Variants in FGGY observed in about 807,000 individuals in gnomAD.
FGGY encodes the protein FGGY carbohydrate kinase domain-containing protein.
A neutral mutation model predicts 71.3 loss-of-function variants in FGGY; 72 were observed. The ratio of observed to expected loss-of-function variants is 1.01; its 90% CI spans 0.84 to 1.23. The LOEUF (loss-of-function observed/expected upper bound fraction) is 1.23. FGGY is among the 50% of genes most tolerant of loss of function. The probability of loss-of-function intolerance (pLI) is 0.00; values close to 1 mark genes in which losing one functional copy is unlikely to be tolerated. For synonymous variants in FGGY, 251 were observed against 250.3 expected, an observed-to-expected ratio of 1.00 and a Z score of -0.02; for missense variants, 668 against 682.3, an observed-to-expected ratio of 0.98 and a Z score of 0.23.
At chr1:59,703,181 C>T (rs955226020) in intron 14 of FGGY, among the ~76,000 whole-genome samples, 8 of 152,176 alleles carry the variant, frequency 5.3e-5, no homozygotes, top group African/African-American at 1.9e-4. Flanking sequence ...TCCTGCAGCC[C>T]TTCATTGTTG....
chr1:59,588,065 A>G (rs2153780112), intron 8 of FGGY, among the ~76,000 whole-genome samples: 2 of 152,320 alleles, frequency 1.3e-5, no homozygotes, highest in South Asian at 4.1e-4. Context: ...AGATGAATGT[A>G]TAACTAGAAT....
chr1:59,346,150 G>A, intron 3 of FGGY, 97 bp from the exon 4 acceptor site: 1 of 1,455,808 alleles, frequency 6.9e-7, no homozygotes, highest in Non-Finnish European at 9.4e-7. Flanking sequence ...ATTATAGAAA[G>A]TACATAGCAT....
In FGGY at chr1:59,363,195, C is replaced by A. The variant is rs188511844; in HGVS notation, c.466-15554C>A. The stretch of plus-strand genomic sequence containing the variant: ...AATCCTATGAGTTAAATGTTGCTAC[C>A]AATGAACAAAGTGAGACTCATAGAC... On this transcript the variant is annotated intron_variant, in intron 4 of 15. Transcript: ENST00000303721. Among the ~76,000 whole-genome samples the A allele has an allele frequency of 1.3e-3, 202 of 152,186 alleles. 1 individual carries two copies. Among genetic ancestry groups the A allele is most frequent in the African/African-American group, 4.7e-3 (195 of 41,512 alleles).
At chr1:59,529,304 G>T (rs550236020) in intron 7 of FGGY, among the ~76,000 whole-genome samples, 1 of 152,170 alleles carries the variant, frequency 6.6e-6, no homozygotes, top group Non-Finnish European at 1.5e-5. Flanking sequence ...GGACCTTCCT[G>T]ATAGAAATAT....
At chr1:59,364,726 A>G (rs965942131) in intron 4 of FGGY, among the ~76,000 whole-genome samples, 2 of 152,250 alleles carry the variant, frequency 1.3e-5, no homozygotes, top group African/African-American at 4.8e-5. Flanking sequence ...GCATAAGAGC[A>G]TCTGACTCAG....
chr1:59,570,265 A>G (rs1332643835), intron 8 of FGGY, among the ~76,000 whole-genome samples: 1 of 152,226 alleles, frequency 6.6e-6, no homozygotes, highest in Non-Finnish European at 1.5e-5. Context: ...AGTAGCAATT[A>G]TATCTTTACT....
chr1:59,617,352 C>G (rs1234488552), intron 9 of FGGY, among the ~76,000 whole-genome samples: 1 of 151,992 alleles, frequency 6.6e-6, no homozygotes, highest in Non-Finnish European at 1.5e-5. Context: ...CAATTAAATG[C>G]AGATCTTCCA....
intron 5 of FGGY, among the ~76,000 whole-genome samples, chr1:59,391,706 G>A (rs577697757): frequency 1.4e-4 from 21 of 152,268 alleles, no homozygotes; most frequent in Admixed American, 8.5e-4. Flanking sequence ...TGCTGTGTAC[G>A]TCTAGATGTG....
At chr1:59,374,735 G>A (rs893983663) in intron 4 of FGGY, among the ~76,000 whole-genome samples, 1 of 151,180 alleles carries the variant, frequency 6.6e-6, no homozygotes, top group Non-Finnish European at 1.5e-5. Context: ...TAAAAATGTT[G>A]AGTTCACATC....
intron 5 of FGGY, among the ~76,000 whole-genome samples, chr1:59,397,532 A>G (rs1344074833): frequency 6.6e-6 from 1 of 152,252 alleles, no homozygotes. Context: ...AATAGAGGGC[A>G]AGGCAGATAC....
At chr1:59,338,032 T>C (rs1015877784) in intron 2 of FGGY, among the ~76,000 whole-genome samples, 1 of 152,166 alleles carries the variant, frequency 6.6e-6, no homozygotes. Context: ...CTCTTCTATG[T>C]CTGGTTTATT....
At position 59,420,872 on chromosome 1, in the gene FGGY, G is replaced by A. The variant is rs376950684; in HGVS notation, c.555-36089G>A. Reference sequence around the variant, plus strand: ...GGCTCAAATTCACTCCCAAATGCCCGGCCACCAAGAAGCTTTGGACATAAG... The same window carrying A: ...GGCTCAAATTCACTCCCAAATGCCCAGCCACCAAGAAGCTTTGGACATAAG... On this transcript the variant is annotated intron_variant, in intron 5 of 15. Transcript: ENST00000303721. Among the ~76,000 whole-genome samples the A allele has an allele frequency of 3.3e-5, 5 of 150,732 alleles. No homozygotes were observed. In the East Asian group the frequency reaches 5.9e-4, roughly 18 times the overall value.
chr1:59,589,591 C>T (rs989319587), intron 8 of FGGY, among the ~76,000 whole-genome samples: 1 of 152,216 alleles, frequency 6.6e-6, no homozygotes, highest in African/African-American at 2.4e-5. Flanking sequence ...AACTGTCTCT[C>T]AGACCACAGT....
At chr1:59,719,727 A>G (rs1043631303) in intron 14 of FGGY, among the ~76,000 whole-genome samples, 1 of 152,204 alleles carries the variant, frequency 6.6e-6, no homozygotes, top group African/African-American at 2.4e-5. Flanking sequence ...ATCACTTACT[A>G]TAGGCCAGAC....
chr1:59,600,996 T>A (rs2096571957), intron 8 of FGGY, among the ~76,000 whole-genome samples: 3 of 151,652 alleles, frequency 2.0e-5, no homozygotes, highest in Admixed American at 6.6e-5. Flanking sequence ...TTTTTTTTTT[T>A]TTTTGTACCA....
At chr1:59,362,919 C>T (rs1188307023) in intron 4 of FGGY, among the ~76,000 whole-genome samples, 1 of 152,144 alleles carries the variant, frequency 6.6e-6, no homozygotes, top group Non-Finnish European at 1.5e-5. Context: ...CAAACCAGGA[C>T]TGACAGACCA....
At chr1:59,395,332 T>C (rs1215993775) in intron 5 of FGGY, among the ~76,000 whole-genome samples, 2 of 152,152 alleles carry the variant, frequency 1.3e-5, no homozygotes, top group Non-Finnish European at 2.9e-5. Context: ...CCAGAAAAGT[T>C]ATATTTTTCC....
intron 7 of FGGY, among the ~76,000 whole-genome samples, chr1:59,524,465 G>A (rs1200724034): frequency 6.6e-6 from 1 of 152,200 alleles, no homozygotes. Flanking sequence ...GGAGTCTGTG[G>A]CCCAGAGTGA....
chr1:59,418,517 A>G (rs932129886), intron 5 of FGGY, among the ~76,000 whole-genome samples: 1 of 152,112 alleles, frequency 6.6e-6, no homozygotes, highest in Non-Finnish European at 1.5e-5. Flanking sequence ...TTTGAGGGGC[A>G]TAGGCGATGA....
Sources: gnomAD v4.1 joint callset for allele counts (sites outside exome capture counted in the v4.1 genomes callset) on GRCh38, gnomAD v4.1.1 for gene constraint, MANE v1.5 for transcripts, NCBI Gene and HGNC (gene_info 2026-07-23, HGNC 2026-07-21) for gene names.